DISC1: variants seen among roughly 807,000 people sequenced by gnomAD.
DISC1 encodes DISC1 scaffold protein.
In DISC1, 57 loss-of-function variants were observed where a neutral mutation model predicts 84.5. That is an observed-to-expected ratio of 0.67 (90% CI 0.55 to 0.84). DISC1 has a LOEUF of 0.84. Among genes scored for constraint, DISC1 ranks in the 40% least tolerant of loss-of-function variants. DISC1 has a pLI of 0.00. For synonymous variants in DISC1, 411 were observed against 415.2 expected (o/e 0.99, Z 0.12); for missense variants, 1,000 against 1,057.8 (o/e 0.95, Z 0.76).
At position 231,675,851 on chromosome 1, in the gene DISC1, C is replaced by CTT. The variant is rs201559788; in HGVS notation, c.68-17960_68-17959dup. ...GTATATTGTATTTGTTTTTTCTTTT[C>CTT]TTTTTTTTTTTTTTTTGACACAGAA... On this transcript the variant is annotated intron_variant, in intron 1 of 12. Transcript: ENST00000439617. This position sits in a 1 kb window ranked among gnomAD's most constrained non-coding sequence, Gnocchi z 4.1. Among the ~76,000 whole-genome samples the CTT allele has an allele frequency of 4.3e-4, 59 of 137,662 alleles. No homozygotes were observed. The highest frequency in any genetic ancestry group is 1.9e-3 in the East Asian group (9 of 4,756). The allele number at this position is 137,662 out of a possible 152,430, so 90.3% of individuals were successfully genotyped here.
intron 9 of DISC1, among the ~76,000 whole-genome samples, chr1:231,842,315 C>T (rs985807765): frequency 3.9e-5 from 6 of 152,124 alleles, no homozygotes; most frequent in Admixed American, 2.0e-4. Context: ...CCAGCCTTTT[C>T]GAGGCTATTA....
intron 9 of DISC1, among the ~76,000 whole-genome samples, chr1:231,910,294 T>C (rs2126051367): frequency 6.6e-6 from 1 of 152,376 alleles, no homozygotes. Flanking sequence ...GCTTTCCTGC[T>C]TTCTCTTGTG....
intron 10 of DISC1, among the ~76,000 whole-genome samples, chr1:231,993,484 TGGGGA>T (rs1665503367): frequency 6.6e-6 from 1 of 151,874 alleles, no homozygotes; most frequent in South Asian, 2.1e-4. Context: ...GTACTGGAAA[TGGGGA>T]AAAGCAGACC....
Position 232,026,500 on chromosome 1 carries a change from C to T in DISC1, c.2373C>T (p.Tyr791=). The change falls in exon 12 of 13, where the codon TAC becomes TAT. Residue 791 remains tyrosine (Y), a synonymous_variant. Coordinates refer to ENST00000439617, the MANE Select transcript of DISC1 (RefSeq NM_018662.3). ...KCEDIGKKLL[Y]LEDQLHTAIH... is the part of the protein sequence containing the mutation. The stretch of plus-strand genomic sequence containing the variant: ...AAGACATAGGCAAGAAGCTATTGTA[C>T]TTGGAAGATCAACTTCACACAGCAA... 6.2e-7 allele frequency: 1 copy of T among 1,608,346 alleles called. No individual in the cohort carries two copies. Among genetic ancestry groups the T allele is most frequent in the Non-Finnish European group, 8.5e-7 (1 of 1,177,266 alleles).
chr1:231,851,782 C>G (rs916104265), intron 9 of DISC1, among the ~76,000 whole-genome samples: 1 of 152,118 alleles, frequency 6.6e-6, no homozygotes, highest in African/African-American at 2.4e-5. Flanking sequence ...CATGGGCCGG[C>G]GGAAGAATGA....
At chr1:231,776,058 G>T (rs201342909) in intron 6 of DISC1, among the ~76,000 whole-genome samples, 8 of 152,132 alleles carry the variant, frequency 5.3e-5, no homozygotes, top group Non-Finnish European at 8.8e-5. Flanking sequence ...TGAGGAGAAT[G>T]GTGATTTGCA....
At chr1:231,858,458 C>T (rs1353669208) in intron 9 of DISC1, among the ~76,000 whole-genome samples, 3 of 152,160 alleles carry the variant, frequency 2.0e-5, no homozygotes, top group African/African-American at 7.2e-5. Flanking sequence ...GGAGGGAGCC[C>T]TGTTTTGAAC....
At chr1:231,933,317 T>C (rs1353497410) in intron 9 of DISC1, among the ~76,000 whole-genome samples, 1 of 152,216 alleles carries the variant, frequency 6.6e-6, no homozygotes, top group African/African-American at 2.4e-5. Context: ...CCACCTACAC[T>C]GACAGCCTTT....
intron 10 of DISC1, among the ~76,000 whole-genome samples, chr1:231,960,558 T>G (rs1290710328): frequency 1.3e-5 from 2 of 152,318 alleles, no homozygotes; most frequent in African/African-American, 4.8e-5. Flanking sequence ...GGCCACCTCC[T>G]TCTTTATATC....
At chr1:231,878,032 A>T (rs1366030422) in intron 9 of DISC1, among the ~76,000 whole-genome samples, 1 of 152,264 alleles carries the variant, frequency 6.6e-6, no homozygotes, top group African/African-American at 2.4e-5. Flanking sequence ...TTAACTTCAG[A>T]AAATAGTCTT....
intron 9 of DISC1, among the ~76,000 whole-genome samples, chr1:231,909,382 G>T (rs560838169): frequency 6.6e-6 from 1 of 152,258 alleles, no homozygotes; most frequent in African/African-American, 2.4e-5. Context: ...TAGCATGAAG[G>T]GCTGTTGAAT....
chr1:231,692,714 A>G (rs1005258284), intron 1 of DISC1, among the ~76,000 whole-genome samples: 4 of 152,194 alleles, frequency 2.6e-5, no homozygotes, highest in African/African-American at 9.7e-5. Flanking sequence ...GGGTCCTGAG[A>G]TGAGAGCTCT....
chr1:231,795,334 A>G (rs2125611167), intron 7 of DISC1, 38 bp downstream of exon 7: 1 of 1,585,466 alleles, frequency 6.3e-7, no homozygotes, highest in East Asian at 2.2e-5. Flanking sequence ...AAAGAAGCCT[A>G]TGAAGTTTTC....
intron 7 of DISC1, among the ~76,000 whole-genome samples, chr1:231,797,521 G>A (rs999456351): frequency 6.6e-6 from 1 of 152,126 alleles, no homozygotes; most frequent in Admixed American, 6.6e-5. Flanking sequence ...ACTTCTTGTT[G>A]TATTCCTGCA....
At chr1:231,758,003 TG>T (rs992871976) in intron 4 of DISC1, among the ~76,000 whole-genome samples, 2 of 131,578 alleles carry the variant, frequency 1.5e-5, no homozygotes. Flanking sequence ...TGAGGAGGGG[TG>T]GGGGTGGATA....
At chr1:231,644,379 G>T (rs1558231260) in intron 1 of DISC1, among the ~76,000 whole-genome samples, 1 of 152,202 alleles carries the variant, frequency 6.6e-6, no homozygotes, top group Non-Finnish European at 1.5e-5. Context: ...CTAGCAGCCG[G>T]AAAGCTACAT....
chr1:231,923,359 C>T (rs868579734), intron 9 of DISC1, among the ~76,000 whole-genome samples: 159 of 151,908 alleles, frequency 1.0e-3, no homozygotes, highest in African/African-American at 3.5e-3. Context: ...GCCCTCCTGG[C>T]AGGTAGTAAA....
chr1:231,936,427 G>C (rs532909754), intron 9 of DISC1, among the ~76,000 whole-genome samples: 1 of 152,258 alleles, frequency 6.6e-6, no homozygotes, highest in South Asian at 2.1e-4. Context: ...ACAGGGTAGG[G>C]TAGGTCTGAC....
intron 3 of DISC1, among the ~76,000 whole-genome samples, chr1:231,710,554 G>A (rs187287665): frequency 6.6e-6 from 1 of 152,184 alleles, no homozygotes; most frequent in Non-Finnish European, 1.5e-5. Flanking sequence ...ACTACTGACT[G>A]TGTGGCTTAA....
Sources: gnomAD v4.1 joint callset for allele counts (sites outside exome capture counted in the v4.1 genomes callset) on GRCh38, gnomAD v4.1.1 for gene constraint, Gnocchi (gnomAD v3.1) non-coding constraint, MANE v1.5 for transcripts, NCBI Gene and HGNC (gene_info 2026-07-23, HGNC 2026-07-21) for gene names.